The following PTCHD1 variants were observed in gnomAD, a reference collection of about 807,000 sequenced individuals.
PTCHD1 encodes patched domain-containing protein 1.
In PTCHD1, 3 loss-of-function variants were observed where a neutral mutation model predicts 34.6. The ratio of observed to expected loss-of-function variants is 0.09; its 90% CI spans 0.04 to 0.22. The LOEUF (loss-of-function observed/expected upper bound fraction) is 0.22, where lower values mean the gene tolerates loss of function less well. Among genes scored for constraint, PTCHD1 ranks in the 10% least tolerant of loss-of-function variants. The pLI, the probability that PTCHD1 is intolerant of heterozygous loss-of-function variation, is 1.00. For missense variants in PTCHD1, 504 were observed against 685.5 expected, an observed-to-expected ratio of 0.74 and a Z score of 2.96; for synonymous variants, 305 against 283.1, an observed-to-expected ratio of 1.08 and a Z score of -0.77.
At chrX:23,358,060 G>C (rs1174023099) in intron 1 of PTCHD1, among the ~76,000 whole-genome samples, 3 of 111,860 alleles carry the variant, frequency 2.7e-5, no homozygotes, top group East Asian at 2.8e-4. Context: ...GTCTATCATT[G>C]ATGGACATTT....
At chrX:23,348,200 G>A (rs1921527555) in intron 1 of PTCHD1, among the ~76,000 whole-genome samples, 1 of 105,788 alleles carries the variant, frequency 9.5e-6, no homozygotes, top group Admixed American at 1.0e-4. Context: ...AACTGCCAAG[G>A]AAAGAATCAG....
chrX:23,394,407 T>TACACAC lies in PTCHD1; in HGVS notation c.*223_*224insCACACA, dbSNP rs1195382947. On this transcript the variant is annotated 3_prime_UTR_variant, in exon 3 of 3. Transcript: ENST00000379361. ...GTTGTTATGAGAATTCACACACACA[T>TACACAC]AGACACACACACACACACACACACA... 1.0e-5 allele frequency: 2 copies of TACACAC among 190,525 alleles called. No individual in the cohort carries two copies. The highest frequency in any genetic ancestry group is 5.8e-5 in the South Asian group (1 of 17,116). The allele number at this position is 190,525 out of a possible 1,213,427, so 15.7% of individuals were successfully genotyped here. A position where few individuals can be genotyped will look rare whatever the true frequency, so the allele number is the denominator to read the frequency against.
chrX:23,396,971 A>G lies in PTCHD1; in HGVS notation c.*2786A>G, dbSNP rs1923005368. On this transcript the variant is annotated 3_prime_UTR_variant, in exon 3 of 3. Transcript: ENST00000379361. The stretch of plus-strand genomic sequence containing the variant: ...TAAAATCTAAGTCTTTACTTCATCA[A>G]GTTTTACTTTTTGAATTGCTATAAA... 1.8e-5 allele frequency: 2 copies of G among 112,278 alleles called. No individual in the cohort carries two copies. Among genetic ancestry groups the G allele is most frequent in the Admixed American group, 1.9e-4 (2 of 10,559 alleles). 9.3% of individuals were successfully genotyped at this position (112,278 alleles called of 1,213,427 possible). A position where few individuals can be genotyped will look rare whatever the true frequency, so the allele number is the denominator to read the frequency against.
chrX:23,353,099 A>G (rs765015034), intron 1 of PTCHD1, among the ~76,000 whole-genome samples: 8 of 112,435 alleles, frequency 7.1e-5, no homozygotes, highest in African/African-American at 2.6e-4. Context: ...ATTGTATTCT[A>G]TATACACACA....
Position 23,393,978 on chromosome X carries a change from C to T in PTCHD1, c.2460C>T (p.Thr820=). 4 of 1,210,377 alleles carry T rather than the reference C, an allele frequency of 3.3e-6. No individual in the cohort carries two copies. The highest frequency in any genetic ancestry group is 4.5e-6 in the Non-Finnish European group (4 of 894,716). ...TTGCAGCTGTGCCTTCAAATCTGAC[C>T]TGTACACTGTTCAGGTGCTTGTTTT... ...IPLAAVPSNL[T]CTLFRCLFLI... Residue 820 remains threonine (T), a synonymous_variant, in exon 3 of 3, where the codon ACC becomes ACT. Coordinates refer to ENST00000379361, the MANE Select transcript of PTCHD1 (RefSeq NM_173495.3).
At position 23,342,266 on chromosome X, in the gene PTCHD1, CTA is replaced by C. The variant is rs1194698667; in HGVS notation, c.351+7084_351+7085del. On this transcript the variant is annotated intron_variant, in intron 1 of 2. Coordinates refer to ENST00000379361, the MANE Select transcript of PTCHD1 (RefSeq NM_173495.3). ...GCATTTTCATATGCTGTGTTTCTCC[CTA>C]TATATATATATATATATATATATAT... is the stretch of plus-strand genomic sequence containing the variant. Among the ~76,000 whole-genome samples, 229 of 31,181 alleles carry C rather than the reference CTA, an allele frequency of 7.3e-3. 3 individuals carry two copies. Among genetic ancestry groups the C allele is most frequent in the Non-Finnish European group, 0.011 (175 of 16,657 alleles). The allele number at this position is 31,181 out of a possible 115,157, so 27.1% of individuals were successfully genotyped here. A position where few individuals can be genotyped will look rare whatever the true frequency, so the allele number is the denominator to read the frequency against.
chrX:23,376,569 G>A (rs1922419811), intron 1 of PTCHD1, among the ~76,000 whole-genome samples: 1 of 112,241 alleles, frequency 8.9e-6, no homozygotes, highest in African/African-American at 3.2e-5. Context: ...CAGTATATCT[G>A]CCCACGGCTA....
chrX:23,365,483 A>C (rs1418807371), intron 1 of PTCHD1, among the ~76,000 whole-genome samples: 1 of 110,432 alleles, frequency 9.1e-6, no homozygotes, highest in Non-Finnish European at 1.9e-5. Context: ...GGGCAAACAG[A>C]ACGGAGCAGA....
Position 23,402,077 on chromosome X carries a change from G to T in PTCHD1, c.*7892G>T, listed in dbSNP as rs375995517. 8.9e-6 allele frequency: 1 copy of T among 111,984 alleles called. No homozygotes were observed. Among genetic ancestry groups the T allele is most frequent in the East Asian group, 2.8e-4 (1 of 3,584 alleles). 9.2% of individuals were successfully genotyped at this position (111,984 alleles called of 1,213,427 possible). A position where few individuals can be genotyped will look rare whatever the true frequency, so the allele number is the denominator to read the frequency against. On this transcript the variant is annotated 3_prime_UTR_variant, in exon 3 of 3. Transcript: ENST00000379361. Reference sequence around the variant, plus strand: ...GAAGTGGTGAGGAAGAATATATGGGGTGATCCCTCCAAATTGCCAACTCCT... The same window carrying T: ...GAAGTGGTGAGGAAGAATATATGGGTTGATCCCTCCAAATTGCCAACTCCT...
At position 23,360,442 on chromosome X, in the gene PTCHD1, G is replaced by A. The variant is rs191112362; in HGVS notation, c.352-19149G>A. 1.9e-4 allele frequency among the ~76,000 whole-genome samples: 21 copies of A among 112,125 alleles called. No homozygotes were observed. In the Admixed American group the frequency reaches 2.0e-3, roughly 11 times the overall value. ...TTTTCTAGTTTATTTGTGTAGAGATGTTTATAGTATTCTCTGATGGTAGTT... is the reference window on the plus strand; with the variant it reads ...TTTTCTAGTTTATTTGTGTAGAGATATTTATAGTATTCTCTGATGGTAGTT... On this transcript the variant is annotated intron_variant, in intron 1 of 2. Transcript: ENST00000379361.
rs201724920 is a variant in PTCHD1 at position 23,393,612 on chromosome X, C to G, written c.2094C>G (p.Ala698=). ...YMDRYASSLG[A]PLHNSCISAL... ...ATCGATATGCCTCCTCTCTGGGAGCCCCCCTGCACAACTCCTGCATCAGTG... is the reference window on the plus strand; with the variant it reads ...ATCGATATGCCTCCTCTCTGGGAGCGCCCCTGCACAACTCCTGCATCAGTG... The change falls in exon 3 of 3, where the codon GCC becomes GCG. Residue 698 remains alanine (A), a synonymous_variant. Transcript: ENST00000379361. 1 of 1,209,532 alleles carries G rather than the reference C, an allele frequency of 8.3e-7. No individual in the cohort carries two copies. Among genetic ancestry groups the G allele is most frequent in the South Asian group, 1.8e-5 (1 of 56,726 alleles).
rs1369750521 is a variant in PTCHD1 at position 23,380,105 on chromosome X, T to C, written c.866T>C (p.Met289Thr). 1.7e-6 allele frequency: 2 copies of C among 1,212,022 alleles called. No individual in the cohort carries two copies. The highest frequency in any genetic ancestry group is 3.5e-5 in the South Asian group (2 of 56,998). Residue 289 changes from methionine to threonine, a missense_variant, in exon 2 of 3, where the codon ATG becomes ACG. By Grantham distance (81) the Met-to-Thr change is moderately conservative. Coordinates refer to ENST00000379361, the MANE Select transcript of PTCHD1 (RefSeq NM_173495.3). ...VVTMAILCCS[M>T]QDCVRSKPWL... ...ACCATGGCCATCCTGTGTTGCTCTA[T>C]GCAGGACTGCGTCCGCAGCAAACCC... is the stretch of plus-strand genomic sequence containing the variant.
At chrX:23,355,967 T>G (rs1479087739) in intron 1 of PTCHD1, among the ~76,000 whole-genome samples, 1 of 112,524 alleles carries the variant, frequency 8.9e-6, no homozygotes, top group Non-Finnish European at 1.9e-5. Context: ...AACATAAAAG[T>G]ATATATACTT....
intron 2 of PTCHD1, among the ~76,000 whole-genome samples, chrX:23,391,885 C>A (rs1269028489): frequency 9.0e-6 from 1 of 110,686 alleles, no homozygotes; most frequent in East Asian, 2.8e-4. Context: ...GAGTCAGGGT[C>A]TTGCCCTGTT....
At chrX:23,370,378 T>C (rs776784322) in intron 1 of PTCHD1, among the ~76,000 whole-genome samples, 2 of 111,939 alleles carry the variant, frequency 1.8e-5, no homozygotes, top group South Asian at 7.5e-4. Context: ...GAAACTATCA[T>C]AGTTTGACCT....
At chrX:23,365,438 G>A (rs1161674757) in intron 1 of PTCHD1, among the ~76,000 whole-genome samples, 2 of 111,077 alleles carry the variant, frequency 1.8e-5, no homozygotes, top group East Asian at 2.8e-4. Flanking sequence ...CCTGAAACAA[G>A]AAATCAAGTA....
At chrX:23,352,308 T>C (rs1270729843) in intron 1 of PTCHD1, among the ~76,000 whole-genome samples, 1 of 111,867 alleles carries the variant, frequency 8.9e-6, no homozygotes, top group Non-Finnish European at 1.9e-5. Flanking sequence ...GGTGACCAAC[T>C]GACAAGGGAA....
chrX:23,345,712 T>C lies in PTCHD1; in HGVS notation c.351+10486T>C, dbSNP rs780721917. 8.1e-5 allele frequency among the ~76,000 whole-genome samples: 9 copies of C among 111,565 alleles called. No homozygotes were observed. The South Asian group carries it at 3.5e-3, about 43-fold the overall frequency. ...GACCACACTTTCAGAGCCACTGCTATAAAGTATCCTAGAAATTAGCTACCA... is the reference window on the plus strand; with the variant it reads ...GACCACACTTTCAGAGCCACTGCTACAAAGTATCCTAGAAATTAGCTACCA... On this transcript the variant is annotated intron_variant, in intron 1 of 2. Transcript: ENST00000379361.
chrX:23,342,311 T>TATATATATATATA (rs1491209851), intron 1 of PTCHD1, among the ~76,000 whole-genome samples: 6 of 8,848 alleles, frequency 6.8e-4, no homozygotes, highest in Non-Finnish European at 9.1e-4. Flanking sequence ...TATATATATA[T>TATATATATATATA]TTTTTTTTTT....
Sources: allele counts gnomAD v4.1 joint callset (sites outside exome capture counted in the v4.1 genomes callset), GRCh38; gene constraint gnomAD v4.1.1; transcripts MANE v1.5; gene names NCBI Gene and HGNC (gene_info 2026-07-23, HGNC 2026-07-21).